CCDC91: variants seen among roughly 807,000 people sequenced by gnomAD.
The protein encoded by CCDC91 is coiled-coil domain containing 91.
A neutral mutation model predicts 63.2 loss-of-function variants in CCDC91; 48 were observed. That is an observed-to-expected ratio of 0.76 (90% CI 0.60 to 0.97). The LOEUF is 0.97. CCDC91 is among the 50% of genes least tolerant of loss of function. CCDC91 has a pLI of 0.00. For synonymous variants in CCDC91, 167 were observed against 165.8 expected (o/e 1.01, Z -0.06); for missense variants, 500 against 494.6 (o/e 1.01, Z -0.10).
chr12:28,491,544 T>G (rs1227995037), intron 12 of CCDC91, among the ~76,000 whole-genome samples: 1 of 151,778 alleles, frequency 6.6e-6, no homozygotes, highest in Admixed American at 6.6e-5. Context: ...GAAGATCACT[T>G]AAGCCTATGA....
chr12:28,392,931 A>T (rs17433953), intron 8 of CCDC91, among the ~76,000 whole-genome samples: 15,232 of 152,234 alleles, frequency 0.1, 1,058 homozygotes, highest in Admixed American at 0.14. Flanking sequence ...AAGGTAGGGT[A>T]TTTACTGTAA....
In CCDC91 at chr12:28,267,947, TATTATATATA is replaced by T. The variant is rs1456576395; in HGVS notation, c.109+8520_109+8529del. On this transcript the variant is annotated intron_variant, in intron 3 of 12. Transcript: ENST00000536442. ...ATAATTATATATAATTATATATAAT[TATTATATATA>T]ATTATATATAATTAATATATACCCA... Among the ~76,000 whole-genome samples, 5 of 101,652 alleles carry T rather than the reference TATTATATATA, an allele frequency of 4.9e-5. No homozygotes were observed. In the East Asian group the frequency reaches 9.3e-4, roughly 19 times the overall value. 66.7% of individuals were successfully genotyped at this position (101,652 alleles called of 152,430 possible). A position where few individuals can be genotyped will look rare whatever the true frequency, so the allele number is the denominator to read the frequency against.
intron 11 of CCDC91, among the ~76,000 whole-genome samples, chr12:28,471,313 A>G (rs1950802133): frequency 6.6e-6 from 1 of 152,228 alleles, no homozygotes; most frequent in South Asian, 2.1e-4. Flanking sequence ...ATATATGAAC[A>G]AACTATCAAT....
chr12:28,534,444 A>G (rs767052419), intron 12 of CCDC91, among the ~76,000 whole-genome samples: 4 of 152,186 alleles, frequency 2.6e-5, no homozygotes, highest in Non-Finnish European at 5.9e-5. Context: ...GTGAAGTTCT[A>G]CAAGGCAAGG....
At chr12:28,377,733 A>T (rs1189535900) in intron 7 of CCDC91, among the ~76,000 whole-genome samples, 1 of 151,980 alleles carries the variant, frequency 6.6e-6, no homozygotes, top group East Asian at 1.9e-4. Flanking sequence ...ACTTATCATT[A>T]TAAGTACCTA....
rs1397851596 is a variant in CCDC91, at chr12:28,549,955, A to G, written c.*782A>G. The G allele has an allele frequency of 3.9e-5, 6 of 152,538 alleles. No individual in the cohort carries two copies. Among genetic ancestry groups the G allele is most frequent in the Non-Finnish European group, 8.8e-5 (6 of 68,010 alleles). The allele number at this position is 152,538 out of a possible 1,614,324, so 9.4% of individuals were successfully genotyped here. ...AGGAATTTAGGTTCAAGTACAGGAT[A>G]TATGAAATCTTTTCCCAGTATTTCA... On this transcript the variant is annotated 3_prime_UTR_variant, in exon 13 of 13. Coordinates refer to ENST00000536442, the MANE Select transcript of CCDC91 (RefSeq NM_018318.5).
intron 12 of CCDC91, among the ~76,000 whole-genome samples, chr12:28,515,365 G>GTAT (rs748175680): frequency 4.6e-5 from 7 of 151,804 alleles, no homozygotes; most frequent in South Asian, 2.1e-4. Context: ...ACATATCCAT[G>GTAT]TATTCTCCCT....
chr12:28,413,903 G>A (rs1045883973), intron 8 of CCDC91, among the ~76,000 whole-genome samples: 2 of 152,188 alleles, frequency 1.3e-5, no homozygotes, highest in Non-Finnish European at 2.9e-5. Flanking sequence ...CAAGAAATAT[G>A]TTTCACTTTC....
chr12:28,337,114 G>T (rs1942043381), intron 6 of CCDC91, among the ~76,000 whole-genome samples: 1 of 151,944 alleles, frequency 6.6e-6, no homozygotes, highest in Admixed American at 6.6e-5. Context: ...CAGGTCAATT[G>T]CCCCCAGTTA....
In CCDC91 at chr12:28,307,754, G is replaced by A; in HGVS notation, c.576+5G>A. The A allele has an allele frequency of 6.8e-7, 1 of 1,460,496 alleles. No homozygotes were observed. Among genetic ancestry groups the A allele is most frequent in the South Asian group, 1.2e-5 (1 of 82,570 alleles). 90.5% of individuals were successfully genotyped at this position (1,460,496 alleles called of 1,614,324 possible). A position where few individuals can be genotyped will look rare whatever the true frequency, so the allele number is the denominator to read the frequency against. On this transcript the variant is annotated splice_donor_5th_base_variant and intron_variant, in intron 6 of 12. Coordinates refer to ENST00000536442, the MANE Select transcript of CCDC91 (RefSeq NM_018318.5). ...GATAGATACAAAGAACTTCAGGTAAGGCGATTGAACTTAAGATTTAAAATG... is the reference window on the plus strand; with the variant it reads ...GATAGATACAAAGAACTTCAGGTAAAGCGATTGAACTTAAGATTTAAAATG...
At chr12:28,329,547 C>T (rs1941314267) in intron 6 of CCDC91, among the ~76,000 whole-genome samples, 2 of 152,076 alleles carry the variant, frequency 1.3e-5, no homozygotes, top group South Asian at 4.1e-4. Flanking sequence ...TCAGTAATTA[C>T]TGACTAAATG....
chr12:28,294,281 T>C (rs1305968989), intron 3 of CCDC91, among the ~76,000 whole-genome samples: 1 of 152,178 alleles, frequency 6.6e-6, no homozygotes, highest in Non-Finnish European at 1.5e-5. Flanking sequence ...TTTTTGGTCA[T>C]TGATAGGCTT....
chr12:28,233,138 C>T (rs1944714229), intron 1 of CCDC91, among the ~76,000 whole-genome samples: 1 of 151,786 alleles, frequency 6.6e-6, no homozygotes, highest in South Asian at 2.1e-4. Flanking sequence ...GTATCGTGTG[C>T]TGAGTTCTGA....
intron 1 of CCDC91, among the ~76,000 whole-genome samples, chr12:28,196,206 G>A (rs1185806126): frequency 6.6e-6 from 1 of 152,136 alleles, no homozygotes; most frequent in Non-Finnish European, 1.5e-5. Flanking sequence ...ATTTTGTTAT[G>A]TTTGTATCTA....
intron 3 of CCDC91, among the ~76,000 whole-genome samples, chr12:28,281,059 T>C (rs1218362632): frequency 1.3e-5 from 2 of 152,210 alleles, no homozygotes; most frequent in African/African-American, 4.8e-5. Flanking sequence ...TCCATCTCTG[T>C]ATGTCTTCAT....
At chr12:28,505,127 C>T (rs1373759882) in intron 12 of CCDC91, among the ~76,000 whole-genome samples, 1 of 151,902 alleles carries the variant, frequency 6.6e-6, no homozygotes, top group Admixed American at 6.6e-5. Context: ...AAAATCTTTG[C>T]CCTTCTTTTT....
intron 6 of CCDC91, among the ~76,000 whole-genome samples, chr12:28,318,894 C>T (rs1342695610): frequency 6.6e-6 from 1 of 151,944 alleles, no homozygotes; most frequent in Non-Finnish European, 1.5e-5. Context: ...CAGTAGTAGA[C>T]ATTTAAAGTA....
At chr12:28,232,251 G>A (rs1565645692) in intron 1 of CCDC91, among the ~76,000 whole-genome samples, 1 of 152,086 alleles carries the variant, frequency 6.6e-6, no homozygotes. Flanking sequence ...GAATTTTCCT[G>A]CAGTGGTAGT....
intron 11 of CCDC91, among the ~76,000 whole-genome samples, chr12:28,455,666 A>G (rs1350968121): frequency 1.3e-5 from 2 of 151,930 alleles, no homozygotes; most frequent in Admixed American, 6.6e-5. Flanking sequence ...CTAAAAAGGT[A>G]TTTTTATGTT....
Sources: allele counts gnomAD v4.1 joint callset (sites outside exome capture counted in the v4.1 genomes callset), GRCh38; gene constraint gnomAD v4.1.1; transcripts MANE v1.5; gene names NCBI Gene and HGNC (gene_info 2026-07-23, HGNC 2026-07-21).